SYT14: variants seen among roughly 807,000 people sequenced by gnomAD.
The protein encoded by SYT14 is synaptotagmin 14.
In SYT14, 32 loss-of-function variants were observed where a neutral mutation model predicts 74.2. The ratio of observed to expected loss-of-function variants is 0.43; its 90% confidence interval spans 0.33 to 0.58. The LOEUF (loss-of-function observed/expected upper bound fraction) is 0.58. Among genes scored for constraint, SYT14 ranks in the 20% least tolerant of loss-of-function variants. The probability of loss-of-function intolerance (pLI) is 0.05; values close to 1 mark genes in which losing one functional copy is unlikely to be tolerated. For synonymous variants in SYT14, 298 were observed against 337.7 expected, an observed-to-expected ratio of 0.88 and a Z score of 1.29; for missense variants, 791 against 981.8, an observed-to-expected ratio of 0.81 and a Z score of 2.60.
intron 5 of SYT14, among the ~76,000 whole-genome samples, chr1:210,046,463 C>T (rs911110091): frequency 2.6e-5 from 4 of 151,996 alleles, no homozygotes; most frequent in Admixed American, 1.3e-4. Flanking sequence ...TAGCTATTAC[C>T]GTAAGTTATT....
chr1:209,947,650 G>A (rs1343006683), intron 1 of SYT14, among the ~76,000 whole-genome samples: 2 of 152,222 alleles, frequency 1.3e-5, no homozygotes, highest in African/African-American at 4.8e-5. Flanking sequence ...TATGAACATT[G>A]TTGGAATGAC....
At chr1:209,986,040 C>T (rs1031057517) in intron 2 of SYT14, among the ~76,000 whole-genome samples, 3 of 152,192 alleles carry the variant, frequency 2.0e-5, no homozygotes, top group Non-Finnish European at 4.4e-5. Flanking sequence ...TGAGACCTTT[C>T]TCCCATAGTA....
At chr1:209,989,055 A>G (rs534260062) in intron 2 of SYT14, among the ~76,000 whole-genome samples, 16 of 152,238 alleles carry the variant, frequency 1.1e-4, no homozygotes, top group Middle Eastern at 3.4e-3. Flanking sequence ...AGTCATACAG[A>G]TGATCTCATT....
intron 2 of SYT14, among the ~76,000 whole-genome samples, chr1:209,960,108 T>A (rs2079055806): frequency 6.6e-6 from 1 of 152,204 alleles, no homozygotes; most frequent in African/African-American, 2.4e-5. Context: ...TATATACTAA[T>A]ATATGTTAAT....
chr1:210,155,715 T>C lies in SYT14; in HGVS notation c.2035-6T>C. On this transcript the variant is annotated splice_polypyrimidine_tract_variant and splice_region_variant and intron_variant, in intron 7 of 9. Coordinates refer to ENST00000637265, the Ensembl canonical transcript of SYT14. ...AATACTATAAAAATGTTATTATTGA[T>C]TACAGGGCTGTGACTCCCAAATGAG... The C allele has an allele frequency of 1.2e-6, 2 of 1,613,904 alleles. No individual in the cohort carries two copies. The highest frequency in any genetic ancestry group is 1.7e-6 in the Non-Finnish European group (2 of 1,179,904).
At chr1:210,142,405 G>C (rs564696434) in intron 7 of SYT14, among the ~76,000 whole-genome samples, 1 of 152,148 alleles carries the variant, frequency 6.6e-6, no homozygotes, top group Non-Finnish European at 1.5e-5. Flanking sequence ...TTTTGACAAT[G>C]TTTGCCAGTG....
chr1:209,980,008 C>G (rs1558107717), intron 2 of SYT14, among the ~76,000 whole-genome samples: 1 of 152,240 alleles, frequency 6.6e-6, no homozygotes. Context: ...GTATTTCTGC[C>G]TCTAGGTTTT....
intron 2 of SYT14, among the ~76,000 whole-genome samples, chr1:209,996,533 GAAA>G (rs759562710): frequency 6.6e-6 from 1 of 151,994 alleles, no homozygotes; most frequent in African/African-American, 2.4e-5. Context: ...GACACACAGA[GAAA>G]AACTGGTGCC....
chr1:210,090,476 G>T (rs956622787), intron 5 of SYT14, among the ~76,000 whole-genome samples: 3 of 152,030 alleles, frequency 2.0e-5, no homozygotes, highest in Admixed American at 6.6e-5. Context: ...TATTCCGTGT[G>T]TGCACACATG....
chr1:210,094,303 G>T lies in SYT14; in HGVS notation c.1313-19G>T, dbSNP rs370362715. The T allele has an allele frequency of 2.7e-5, 43 of 1,613,558 alleles. No homozygotes were observed. The highest frequency in any genetic ancestry group is 3.6e-5 in the Non-Finnish European group (43 of 1,179,766). On this transcript the variant is annotated intron_variant, in intron 5 of 9. Coordinates refer to ENST00000637265, the Ensembl canonical transcript of SYT14. ...TGAGGCTAATTGGAAACAGTGACCA[G>T]ATTCTTAATCATTATCAGGAAACTG...
chr1:210,138,067 G>T (rs2082828899), intron 7 of SYT14, among the ~76,000 whole-genome samples: 1 of 152,132 alleles, frequency 6.6e-6, no homozygotes, highest in South Asian at 2.1e-4. Context: ...ATTGGAAATT[G>T]TTTACATGTT....
chr1:209,952,059 C>T (rs1045581968), intron 1 of SYT14, among the ~76,000 whole-genome samples: 3 of 152,076 alleles, frequency 2.0e-5, no homozygotes, highest in East Asian at 1.9e-4. Context: ...TTTAGCAACT[C>T]GGGTGCTTAC....
At chr1:210,094,577 C>T (rs1479171277) in exon 6 of SYT14, 15 of 1,613,900 alleles carry the variant, frequency 9.3e-6, no homozygotes, top group Non-Finnish European at 1.3e-5. Context: ...GACAGCACTG[C>T]AGTCCTGAGC....
chr1:210,038,643 T>G (rs1392913549), intron 5 of SYT14, among the ~76,000 whole-genome samples: 3 of 152,146 alleles, frequency 2.0e-5, no homozygotes, highest in Admixed American at 1.3e-4. Flanking sequence ...AGCACTTTCC[T>G]GTTTGGGAAA....
chr1:210,018,963 C>T (rs2080245250), intron 4 of SYT14, among the ~76,000 whole-genome samples: 1 of 151,800 alleles, frequency 6.6e-6, no homozygotes, highest in African/African-American at 2.4e-5. Flanking sequence ...TGGTGAAACC[C>T]CGTCTCTACT....
At chr1:210,085,919 T>C (rs1299119056) in intron 5 of SYT14, among the ~76,000 whole-genome samples, 1 of 152,182 alleles carries the variant, frequency 6.6e-6, no homozygotes, top group Non-Finnish European at 1.5e-5. Context: ...AGTCCCTCTT[T>C]TTTGTATCAC....
Position 210,078,636 on chromosome 1 carries a change from T to C in SYT14, c.1313-15686T>C, listed in dbSNP as rs534626866. 3.9e-5 allele frequency among the ~76,000 whole-genome samples: 6 copies of C among 152,236 alleles called. No homozygotes were observed. In the South Asian group the frequency reaches 1.0e-3, roughly 26 times the overall value. ...GAAATTCACAGGTCTAGAGTGTACA[T>C]TGAAGGACAAAAAAGTCATGAAAAC... On this transcript the variant is annotated intron_variant, in intron 5 of 9. Transcript: ENST00000637265.
intron 5 of SYT14, among the ~76,000 whole-genome samples, chr1:210,066,244 T>C (rs1447131579): frequency 1.3e-5 from 2 of 152,010 alleles, no homozygotes; most frequent in African/African-American, 4.8e-5. Flanking sequence ...ATATACCCAG[T>C]AATGGGATGG....
chr1:209,972,313 T>C (rs959860174), intron 2 of SYT14, among the ~76,000 whole-genome samples: 6 of 152,028 alleles, frequency 3.9e-5, no homozygotes, highest in Non-Finnish European at 8.8e-5. Context: ...CAACTTTTGG[T>C]TTCATTGATT....
Sources: allele counts gnomAD v4.1 joint callset (sites outside exome capture counted in the v4.1 genomes callset), GRCh38; gene constraint gnomAD v4.1.1; transcripts MANE v1.5; gene names NCBI Gene and HGNC (gene_info 2026-07-23, HGNC 2026-07-21).